The following CDHR1 variants were observed in gnomAD, a reference collection of about 807,000 sequenced individuals.
The protein encoded by CDHR1 is cadherin related family member 1, also known as cadherin-related family member 1.
CDHR1 carries 61 observed loss-of-function variants against 72.1 expected under a neutral mutation model. The ratio of observed to expected loss-of-function variants is 0.85; its 90% CI spans 0.69 to 1.05. The LOEUF (loss-of-function observed/expected upper bound fraction) is 1.05, where lower values mean the gene tolerates loss of function less well. CDHR1 is among the 50% of genes least tolerant of loss of function. CDHR1 has a pLI of 0.00. For missense variants in CDHR1, 1,186 were observed against 1,115.7 expected (o/e 1.06, Z -0.90); for synonymous variants, 470 against 448.1 (o/e 1.05, Z -0.62).
intron 7 of CDHR1, 71 bp downstream of exon 7, chr10:84,201,991 A>G (rs908681006): frequency 1.7e-6 from 2 of 1,175,022 alleles, no homozygotes; most frequent in South Asian, 2.5e-5. Flanking sequence ...TAGGTTCTAC[A>G]GGGGAGTGGG....
chr10:84,205,606 G>C (rs1249094628), intron 9 of CDHR1: 9 of 609,526 alleles, frequency 1.5e-5, no homozygotes, highest in East Asian at 2.8e-5. Flanking sequence ...GAATGTGGGA[G>C]CTGGACAGAA....
At chr10:84,205,290 G>C (rs1046667801) in intron 9 of CDHR1, among the ~76,000 whole-genome samples, 2 of 152,080 alleles carry the variant, frequency 1.3e-5, no homozygotes, top group Non-Finnish European at 2.9e-5. Context: ...TCACATGTGG[G>C]CTGCCAGCCT....
rs1842277997 is a variant in CDHR1, at chr10:84,208,794, G to T, written c.1233G>T (p.Gln411His). The change falls in exon 12 of 17, where the codon CAG (glutamine) becomes CAT (histidine). Residue 411 changes from glutamine to histidine, a missense_variant. Coordinates refer to ENST00000623527, the MANE Select transcript of CDHR1 (RefSeq NM_033100.4). ...GGGGCATCTTCCGAGTGGTTCCACAGACAGTCCTGAATGAAGCCCAAGTCA... is the reference window on the plus strand; with the variant it reads ...GGGGCATCTTCCGAGTGGTTCCACATACAGTCCTGAATGAAGCCCAAGTCA... ...GPRGIFRVVP[Q>H]TVLNEAQVTI... The T allele has an allele frequency of 6.2e-7, 1 of 1,614,112 alleles. No individual in the cohort carries two copies. Among genetic ancestry groups the T allele is most frequent in the African/African-American group, 1.3e-5 (1 of 74,938 alleles).
At position 84,214,670 on chromosome 10, in the gene CDHR1, C is replaced by T. The variant is rs752192175; in HGVS notation, c.*49C>T. ...TTTCCTCCGCCCCTGACCCCCACCA[C>T]CCTGCTGCTCGGACTATGCTCCCCT... On this transcript the variant is annotated 3_prime_UTR_variant, in exon 17 of 17. Coordinates refer to ENST00000623527, the MANE Select transcript of CDHR1 (RefSeq NM_033100.4). The T allele has an allele frequency of 1.9e-6, 3 of 1,598,144 alleles. No homozygotes were observed. Among genetic ancestry groups the T allele is most frequent in the Non-Finnish European group, 2.5e-6 (3 of 1,179,368 alleles).
At chr10:84,210,974 C>G (rs1442784768) in intron 12 of CDHR1, 27 bp from the exon 13 acceptor site, 1 of 1,613,856 alleles carries the variant, frequency 6.2e-7, no homozygotes, top group South Asian at 1.1e-5. Context: ...CCTACCCAGA[C>G]AAGTCCCCAT....
intron 8 of CDHR1, 95 bp from the exon 9 acceptor site, chr10:84,204,432 G>T: frequency 1.1e-6 from 1 of 885,356 alleles, no homozygotes; most frequent in Non-Finnish European, 1.9e-6. Flanking sequence ...TTCCTAGGTG[G>T]GGGTAGCACC....
chr10:84,209,391 C>T (rs1478012360), intron 12 of CDHR1, among the ~76,000 whole-genome samples: 1 of 152,036 alleles, frequency 6.6e-6, no homozygotes, highest in African/African-American at 2.4e-5. Context: ...TAATTATACA[C>T]ATATACACAT....
At position 84,194,626 on chromosome 10, in the gene CDHR1, G is replaced by T. The variant is rs1053456301; in HGVS notation, c.-135G>T. 3.6e-5 allele frequency: 11 copies of T among 304,400 alleles called. No individual in the cohort carries two copies. The highest frequency in any genetic ancestry group is 2.4e-4 in the African/African-American group (10 of 42,252). The allele number at this position is 304,400 out of a possible 1,614,324, so 18.9% of individuals were successfully genotyped here. ...TCACGCCACCCGCCGCTCCCGCCCC[G>T]TGCCCCCTCCCGCCGCGGCTGCAGT... On this transcript the variant is annotated 5_prime_UTR_variant, in exon 1 of 17. Transcript: ENST00000623527.
intron 6 of CDHR1, 73 bp from the exon 7 acceptor site, chr10:84,201,734 A>C: frequency 1.6e-6 from 2 of 1,261,038 alleles, no homozygotes; most frequent in Non-Finnish European, 2.3e-6. Context: ...GACCCCCTTC[A>C]GAAAGCAGAG....
In CDHR1 at chr10:84,195,020, G is replaced by T. The variant is rs535280198; in HGVS notation, c.55+205G>T. ...GCGGAGTAGTGGGGAGCTCCGGGGC[G>T]CTTCTCCAGAGCTGGCATCCTAGGG... On this transcript the variant is annotated intron_variant, in intron 1 of 16. Coordinates refer to ENST00000623527, the MANE Select transcript of CDHR1 (RefSeq NM_033100.4). Among the ~76,000 whole-genome samples the T allele has an allele frequency of 2.2e-3, 330 of 152,284 alleles. 1 individual carries two copies. The highest frequency in any genetic ancestry group is 7.7e-3 in the African/African-American group (322 of 41,560).
intron 11 of CDHR1, among the ~76,000 whole-genome samples, 173 bp downstream of exon 11, chr10:84,208,550 T>C (rs1469561571): frequency 6.6e-6 from 1 of 152,074 alleles, no homozygotes; most frequent in Non-Finnish European, 1.5e-5. Context: ...GAGTAACCAA[T>C]CAAAGACTAT....
At chr10:84,196,913 T>C (rs1385218540) in intron 3 of CDHR1, among the ~76,000 whole-genome samples, 1 of 152,196 alleles carries the variant, frequency 6.6e-6, no homozygotes, top group Non-Finnish European at 1.5e-5. Context: ...CTTTTAAGCA[T>C]GTTCCATTAA....
chr10:84,196,787 C>G (rs920054758), intron 3 of CDHR1, 137 bp downstream of exon 3: 1 of 987,548 alleles, frequency 1.0e-6, no homozygotes, highest in Non-Finnish European at 1.6e-6. Flanking sequence ...GGCACATCCA[C>G]TCTGTGAGAT....
rs1187166748 is a variant in CDHR1 at position 84,208,888 on chromosome 10, G to A, written c.1320+7G>A. On this transcript the variant is annotated splice_region_variant and intron_variant, in intron 12 of 16. Transcript: ENST00000623527. ...CAAAGTATTAACCTTCAAGGTAGGT[G>A]GTGCCCTGAATTCACTGCCCTGAAT... 6.2e-7 allele frequency: 1 copy of A among 1,613,122 alleles called. No individual in the cohort carries two copies. Among genetic ancestry groups the A allele is most frequent in the South Asian group, 1.1e-5 (1 of 90,868 alleles).
At chr10:84,200,770 C>T in intron 6 of CDHR1, 83 bp downstream of exon 6, 1 of 936,402 alleles carries the variant, frequency 1.1e-6, no homozygotes, top group Admixed American at 2.0e-5. Context: ...GCCCCAGGCC[C>T]TTAGGTCGGT....
chr10:84,201,007 T>C (rs751371212), intron 6 of CDHR1, among the ~76,000 whole-genome samples: 3 of 151,742 alleles, frequency 2.0e-5, no homozygotes, highest in South Asian at 2.1e-4. Flanking sequence ...GAATGGTCAA[T>C]AGAAAAAAGA....
chr10:84,213,963 A>G (rs1362533294), intron 16 of CDHR1, 119 bp from the exon 17 acceptor site: 4 of 1,320,374 alleles, frequency 3.0e-6, no homozygotes, highest in East Asian at 2.3e-5. Flanking sequence ...CAGATTCTCA[A>G]AGGGACTCCT....
downstream of CDHR1, chr10:84,218,710 C>T: frequency 1.0e-6 from 1 of 990,598 alleles, no homozygotes; most frequent in Non-Finnish European, 1.2e-6. Flanking sequence ...GAAACTGTAG[C>T]ATCTTTTCAA....
chr10:84,210,831 G>T (rs969781867), intron 12 of CDHR1, among the ~76,000 whole-genome samples, 170 bp from the exon 13 acceptor site: 2 of 152,218 alleles, frequency 1.3e-5, no homozygotes, highest in East Asian at 3.8e-4. Flanking sequence ...GGTAGGGGAA[G>T]ATGCCAGGCC....
Sources: allele counts gnomAD v4.1 joint callset (sites outside exome capture counted in the v4.1 genomes callset), GRCh38; gene constraint gnomAD v4.1.1; transcripts MANE v1.5; gene names NCBI Gene and HGNC (gene_info 2026-07-23, HGNC 2026-07-21).